The following PTPRF variants were observed in gnomAD, a reference collection of about 807,000 sequenced individuals.
PTPRF encodes receptor-type tyrosine-protein phosphatase F.
A neutral mutation model predicts 201.8 loss-of-function variants in PTPRF; 59 were observed. The observed-to-expected ratio is 0.29, with a 90% CI of 0.24 to 0.36. The LOEUF (loss-of-function observed/expected upper bound fraction) is 0.36. Ranked by LOEUF, PTPRF falls within the 10% of genes least tolerant of loss-of-function variation. PTPRF has a pLI of 1.00. For missense variants in PTPRF, 2,132 were observed against 2,690.5 expected (o/e 0.79, Z 4.59); for synonymous variants, 1,088 against 1,089.7 (o/e 1.00, Z 0.03).
In PTPRF at chr1:43,545,103, A is replaced by G; in HGVS notation, c.28A>G (p.Thr10Ala). MAPEPAPGR[T>A]MVPLVPALVM... ...GGCCCCTGAGCCAGCCCCAGGGAGG[A>G]CGATGGTGCCCCTTGTGCCTGCACT... The change falls in exon 3 of 34, where the codon ACG becomes GCG. Residue 10 changes from threonine (T) to alanine (A), a missense_variant. Thr to Ala is a moderately conservative substitution (Grantham distance 58). Around this residue, in one of 6 missense-constraint regions of PTPRF, gnomAD observed 297 missense variants for 454.0 expected, o/e 0.65. Coordinates refer to ENST00000359947, the MANE Select transcript of PTPRF (RefSeq NM_002840.5). The G allele has an allele frequency of 6.3e-7, 1 of 1,586,824 alleles. No homozygotes were observed. The highest frequency in any genetic ancestry group is 8.6e-7 in the Non-Finnish European group (1 of 1,166,304).
At chr1:43,538,109 A>G in intron 1 of PTPRF, 89 bp from the exon 2 acceptor site, 2 of 397,996 alleles carry the variant, frequency 5.0e-6, no homozygotes, top group Non-Finnish European at 8.9e-6. Context: ...TTCTGCATAA[A>G]CAGCAAATTT....
chr1:43,605,261 C>G lies in PTPRF; in HGVS notation c.3207C>G (p.Pro1069=), dbSNP rs887745066. The G allele has an allele frequency of 2.5e-6, 4 of 1,612,050 alleles. No homozygotes were observed. The Admixed American group carries it at 6.7e-5, about 27-fold the overall frequency. Residue 1069 remains proline, a synonymous_variant, in exon 18 of 34, where the codon CCC becomes CCG. Transcript: ENST00000359947. ...GGAAGCTGATCGCAGACCTGCAGCC[C>G]AACACAGAGTACTCGTTTGTGCTGA... ...SMRKLIADLQ[P]NTEYSFVLMN... is the part of the protein sequence containing the mutation.
At chr1:43,576,848 A>G (rs555102131) in intron 6 of PTPRF, among the ~76,000 whole-genome samples, 1 of 152,198 alleles carries the variant, frequency 6.6e-6, no homozygotes, top group African/African-American at 2.4e-5. Flanking sequence ...TTCAGAGCTC[A>G]GGACCAGGAT....
intron 1 of PTPRF, among the ~76,000 whole-genome samples, chr1:43,536,022 G>GCCT (rs1643982041): frequency 6.6e-6 from 1 of 152,156 alleles, no homozygotes; most frequent in African/African-American, 2.4e-5. Context: ...ACCTGCCTTG[G>GCCT]CCTCCCAAAG....
intron 7 of PTPRF, among the ~76,000 whole-genome samples, chr1:43,585,125 G>C (rs3828149): frequency 6.6e-6 from 1 of 152,094 alleles, no homozygotes; most frequent in Non-Finnish European, 1.5e-5. Flanking sequence ...ATTTTTCCCA[G>C]CTCCAGTTTT....
rs200019988 is a variant in PTPRF, at chr1:43,545,179, C to T, written c.91+13C>T. ...GCCCATGGTGACAGTAAGTCTGACC[C>T]CTCAAGGTACAGATCTCCCAGGTTG... On this transcript the variant is annotated intron_variant, in intron 3 of 33. Transcript: ENST00000359947. 2.6e-6 allele frequency: 4 copies of T among 1,564,388 alleles called. No individual in the cohort carries two copies. The East Asian group carries it at 9.5e-5, about 37-fold the overall frequency.
At chr1:43,561,623 C>T (rs1195116683) in intron 5 of PTPRF, among the ~76,000 whole-genome samples, 1 of 152,056 alleles carries the variant, frequency 6.6e-6, no homozygotes, top group Non-Finnish European at 1.5e-5. Context: ...ACCTGTATAC[C>T]CCTGGTCCAG....
At chr1:43,607,032 G>C (rs1655293570) in intron 21 of PTPRF, 64 bp downstream of exon 21, 1 of 1,583,148 alleles carries the variant, frequency 6.3e-7, no homozygotes, top group African/African-American at 1.3e-5. Context: ...GCCCTCTCCG[G>C]GTGTGGTGCC....
At chr1:43,613,536 C>T (rs1656998285) in intron 22 of PTPRF, 82 bp from the exon 23 acceptor site, 1 of 1,107,360 alleles carries the variant, frequency 9.0e-7, no homozygotes, top group African/African-American at 1.5e-5. Context: ...TTCACATGTG[C>T]ACATACATGC....
At chr1:43,531,268 C>T (rs1303642816) in intron 1 of PTPRF, among the ~76,000 whole-genome samples, 178 bp downstream of exon 1, 1 of 149,430 alleles carries the variant, frequency 6.7e-6, no homozygotes, top group Non-Finnish European at 1.5e-5. Context: ...GAAGCCCCCC[C>T]TCCACGCCCC....
intron 2 of PTPRF, among the ~76,000 whole-genome samples, chr1:43,539,311 A>G (rs570456973): frequency 6.6e-6 from 1 of 152,288 alleles, no homozygotes; most frequent in East Asian, 1.9e-4. Flanking sequence ...GTGACTGACA[A>G]CATGGTGGTG....
intron 2 of PTPRF, among the ~76,000 whole-genome samples, chr1:43,543,135 AC>A (rs1275565515): frequency 6.6e-6 from 1 of 152,126 alleles, no homozygotes; most frequent in Non-Finnish European, 1.5e-5. Flanking sequence ...AGGGGACCAT[AC>A]CCCCATGATG....
At chr1:43,613,206 A>G (rs538307288) in intron 22 of PTPRF, 2 of 311,990 alleles carry the variant, frequency 6.4e-6, no homozygotes, top group Non-Finnish European at 6.3e-6. Context: ...GATGGCTGTG[A>G]GTCTCCCATG....
At chr1:43,540,686 G>A (rs1192382510) in intron 2 of PTPRF, among the ~76,000 whole-genome samples, 1 of 152,216 alleles carries the variant, frequency 6.6e-6, no homozygotes, top group Non-Finnish European at 1.5e-5. Flanking sequence ...CTGCAACAGG[G>A]TGGGACTCAG....
At chr1:43,608,250 A>G (rs993189869) in intron 21 of PTPRF, among the ~76,000 whole-genome samples, 2 of 152,250 alleles carry the variant, frequency 1.3e-5, no homozygotes, top group African/African-American at 2.4e-5. Context: ...TCCCCATGTC[A>G]TTAGAGGGCT....
chr1:43,556,534 T>A (rs1288344945), intron 5 of PTPRF, among the ~76,000 whole-genome samples: 1 of 152,242 alleles, frequency 6.6e-6, no homozygotes, highest in Non-Finnish European at 1.5e-5. Flanking sequence ...ATTACAGGCC[T>A]GAGGCACTGC....
chr1:43,605,021 G>A (rs1009361729), intron 17 of PTPRF, 21 bp downstream of exon 17: 1 of 1,609,222 alleles, frequency 6.2e-7, no homozygotes, highest in Non-Finnish European at 8.5e-7. Context: ...GCCACGGCCA[G>A]CTGAGCCTGG....
At position 43,588,488 on chromosome 1, in the gene PTPRF, A is replaced by G. The variant is rs956108684; in HGVS notation, c.680-243A>G. On this transcript the variant is annotated intron_variant, in intron 7 of 33. Coordinates refer to ENST00000359947, the MANE Select transcript of PTPRF (RefSeq NM_002840.5). This position sits in a 1 kb window ranked among gnomAD's most constrained non-coding sequence, Gnocchi z 5.3. ...GGCTATAAAATGGGAGCTTGGTTGC[A>G]AGATCTCTCATTGAGTAAGTCATCG... Among the ~76,000 whole-genome samples the G allele has an allele frequency of 1.3e-5, 2 of 152,182 alleles. No homozygotes were observed. Among genetic ancestry groups the G allele is most frequent in the Non-Finnish European group, 2.9e-5 (2 of 68,028 alleles).
intron 5 of PTPRF, among the ~76,000 whole-genome samples, chr1:43,562,330 G>A (rs752436778): frequency 8.6e-5 from 13 of 152,040 alleles, no homozygotes; most frequent in African/African-American, 1.2e-4. Flanking sequence ...GGATGGTCTT[G>A]ACCTCCTGAC....
Sources: gnomAD v4.1 joint callset for allele counts (sites outside exome capture counted in the v4.1 genomes callset) on GRCh38, gnomAD v4.1.1 for gene constraint, gnomAD v4.1.1 regional missense constraint, Gnocchi (gnomAD v3.1) non-coding constraint, MANE v1.5 for transcripts, NCBI Gene and HGNC (gene_info 2026-07-23, HGNC 2026-07-21) for gene names.